The following CHLSN variants were observed in gnomAD, a reference collection of about 807,000 sequenced individuals.
CHLSN encodes protein cholesin.
the CHLSN span, chr7:984,464 CGGT>C: frequency 6.4e-7 from 1 of 1,550,918 alleles, no homozygotes. Flanking sequence ...CGCCAGAAGA[CGGT>C]GGTGCTGACG....
the CHLSN span, among the ~76,000 whole-genome samples, chr7:999,425 G>A: frequency 6.6e-6 from 1 of 151,794 alleles, no homozygotes; most frequent in Non-Finnish European, 1.5e-5. Flanking sequence ...TTGCAATAGG[G>A]CTTACAATCG....
At chr7:1,054,817 C>T in the CHLSN span, among the ~76,000 whole-genome samples, 10 of 152,268 alleles carry the variant, frequency 6.6e-5, no homozygotes, top group African/African-American at 2.2e-4. Context: ...ACCAGATGCA[C>T]GTGCTCCCCT....
At chr7:1,136,494 A>G in the CHLSN span, among the ~76,000 whole-genome samples, 1 of 110,992 alleles carries the variant, frequency 9.0e-6, no homozygotes, top group Non-Finnish European at 1.7e-5. Flanking sequence ...ATATATAAAC[A>G]TATAAATATA....
the CHLSN span, among the ~76,000 whole-genome samples, chr7:1,027,325 G>A: frequency 6.6e-6 from 1 of 152,360 alleles, no homozygotes; most frequent in Middle Eastern, 3.4e-3. Context: ...CTCTGCAGCC[G>A]TGAGGCCCAG....
the CHLSN span, among the ~76,000 whole-genome samples, chr7:1,036,810 CTCTGCTCAAAGCCAGACGGCCAAGCGTGG>C: frequency 2.7e-5 from 4 of 148,264 alleles, 1 homozygote; most frequent in Non-Finnish European, 6.1e-5. Flanking sequence ...CATTTAGGAG[CTCTGCTCAAAGCCAGACGGCCAAGCGTGG>C]TGGCTCATGC....
chr7:1,012,819 C>T, the CHLSN span, among the ~76,000 whole-genome samples: 1 of 152,224 alleles, frequency 6.6e-6, no homozygotes, highest in East Asian at 1.9e-4. Context: ...CCCGTGCTCG[C>T]GCTCGCTGCC....
At chr7:1,108,394 G>A in the CHLSN span, among the ~76,000 whole-genome samples, 1 of 151,412 alleles carries the variant, frequency 6.6e-6, no homozygotes, top group Non-Finnish European at 1.5e-5. Flanking sequence ...TGTGTCCCGC[G>A]CTCTGCGGGG....
At chr7:987,328 G>A in the CHLSN span, 13 of 1,559,082 alleles carry the variant, frequency 8.3e-6, no homozygotes, top group African/African-American at 1.1e-4. Context: ...CCACCCAAGC[G>A]GCCCACCCTT....
At chr7:978,170 C>T in the CHLSN span, among the ~76,000 whole-genome samples, 8 of 152,092 alleles carry the variant, frequency 5.3e-5, no homozygotes, top group Non-Finnish European at 1.0e-4. Flanking sequence ...TATATGAGAT[C>T]TTTAGCTGGG....
the CHLSN span, among the ~76,000 whole-genome samples, chr7:1,109,649 T>C: frequency 2.3e-4 from 34 of 150,356 alleles, no homozygotes; most frequent in East Asian, 6.3e-3. Context: ...CGACGGAGCC[T>C]TTCCCGCCCG....
At chr7:1,087,607 G>A in the CHLSN span, among the ~76,000 whole-genome samples, 1 of 152,206 alleles carries the variant, frequency 6.6e-6, no homozygotes, top group South Asian at 2.1e-4. Flanking sequence ...GGACTGTGGG[G>A]CACTCTGGAT....
chr7:1,123,743 A>T, the CHLSN span, among the ~76,000 whole-genome samples: 1 of 151,920 alleles, frequency 6.6e-6, no homozygotes, highest in African/African-American at 2.4e-5. The surrounding 1 kb of genome is among the most constrained non-coding windows in gnomAD (Gnocchi z 4.4). Context: ...ACTCCATCTG[A>T]AAACCCTCCC....
At chr7:986,502 C>T in the CHLSN span, 24 of 1,184,424 alleles carry the variant, frequency 2.0e-5, no homozygotes, top group Non-Finnish European at 2.9e-5. Flanking sequence ...TCTGTGGCCG[C>T]CTCCAGCACA....
At chr7:1,048,329 C>T in the CHLSN span, among the ~76,000 whole-genome samples, 45,494 of 151,996 alleles carry the variant, frequency 0.3, 8,253 homozygotes, top group African/African-American at 0.51. Flanking sequence ...ACATCAAAAG[C>T]GATGGCTTTT....
the CHLSN span, among the ~76,000 whole-genome samples, chr7:1,036,947 T>A: frequency 6.8e-6 from 1 of 147,210 alleles, no homozygotes; most frequent in Non-Finnish European, 1.5e-5. Flanking sequence ...CTGTCTCTAC[T>A]AAAAATAAAA....
At chr7:1,113,641 G>A in the CHLSN span, among the ~76,000 whole-genome samples, 13 of 152,102 alleles carry the variant, frequency 8.5e-5, no homozygotes, top group African/African-American at 1.9e-4. Flanking sequence ...CTTCCCGGGC[G>A]GCCCTTACGA....
the CHLSN span, among the ~76,000 whole-genome samples, chr7:1,103,120 C>T: frequency 5.3e-5 from 8 of 152,206 alleles, no homozygotes; most frequent in Admixed American, 3.3e-4. Flanking sequence ...CAGCCCCGTC[C>T]GGGAGGCGCG....
chr7:1,017,417 G>A, the CHLSN span, among the ~76,000 whole-genome samples: 3 of 152,152 alleles, frequency 2.0e-5, no homozygotes, highest in Non-Finnish European at 2.9e-5. Context: ...CCTGGACCCC[G>A]TCCAGTAGCC....
At chr7:1,135,531 C>T in the CHLSN span, among the ~76,000 whole-genome samples, 1 of 151,410 alleles carries the variant, frequency 6.6e-6, no homozygotes, top group Non-Finnish European at 1.5e-5. Flanking sequence ...CTTTGGGAGG[C>T]CGAGGCGGGG....
Sources: allele counts gnomAD v4.1 joint callset (sites outside exome capture counted in the v4.1 genomes callset), GRCh38; gene constraint gnomAD v4.1.1; non-coding constraint Gnocchi (gnomAD v3.1); transcripts MANE v1.5; gene names NCBI Gene and HGNC (gene_info 2026-07-23, HGNC 2026-07-21).